Variants in KIAA1671 observed in about 807,000 individuals in gnomAD.
The protein encoded by KIAA1671 is uncharacterized protein KIAA1671.
KIAA1671 carries 52 observed loss-of-function variants against 131.2 expected under a neutral mutation model. The ratio of observed to expected loss-of-function variants is 0.40; its 90% CI spans 0.32 to 0.50. KIAA1671 has a LOEUF of 0.50. Among genes scored for constraint, KIAA1671 ranks in the 20% least tolerant of loss-of-function variants. The probability of loss-of-function intolerance (pLI) is 0.73; values close to 1 mark genes in which losing one functional copy is unlikely to be tolerated. For synonymous variants in KIAA1671, 1,003 were observed against 961.6 expected, an observed-to-expected ratio of 1.04 and a Z score of -0.80; for missense variants, 2,360 against 2,364.2, an observed-to-expected ratio of 1.00 and a Z score of 0.04.
intron 6 of KIAA1671, among the ~76,000 whole-genome samples, chr22:25,136,944 A>ATGTGAAAT (rs1223854999): frequency 6.6e-6 from 1 of 152,204 alleles, no homozygotes; most frequent in Non-Finnish European, 1.5e-5. Context: ...GCATTAGGAA[A>ATGTGAAAT]TGTGAAATAG....
rs138608627 is a variant in KIAA1671, at chr22:25,103,734, C to T, written c.4530+54370C>T. On this transcript the variant is annotated intron_variant, in intron 6 of 12. Transcript: ENST00000358431. ...GTCTCAAATGCCTGACCTTGTGATC[C>T]GCCCATCGCGGTCTCCCAAAGTGCT... Among the ~76,000 whole-genome samples the T allele has an allele frequency of 6.3e-3, 963 of 152,134 alleles. 6 individuals carry two copies. The highest frequency in any genetic ancestry group is 0.01 in the Non-Finnish European group (681 of 67,986).
intron 6 of KIAA1671, among the ~76,000 whole-genome samples, chr22:25,093,763 TCTCTGTCTC>T: frequency 1.7e-5 from 2 of 114,790 alleles, no homozygotes; most frequent in African/African-American, 7.1e-5. Flanking sequence ...TCTCTCTCTC[TCTCTGTCTC>T]TCTCTCTCTC....
intron 1 of KIAA1671, among the ~76,000 whole-genome samples, chr22:25,021,724 C>G (rs1925678759): frequency 6.6e-6 from 1 of 152,138 alleles, no homozygotes; most frequent in African/African-American, 2.4e-5. Context: ...GACAGACCTC[C>G]TGTGCACAGC....
intron 6 of KIAA1671, among the ~76,000 whole-genome samples, chr22:25,166,725 A>G (rs1933657559): frequency 6.6e-6 from 1 of 152,216 alleles, no homozygotes; most frequent in African/African-American, 2.4e-5. Flanking sequence ...ACCTCAAAAC[A>G]GTCCTTGTTT....
At chr22:25,049,105 A>G (rs1927395237) in intron 5 of KIAA1671, 125 bp from the exon 6 acceptor site, 1 of 1,186,094 alleles carries the variant, frequency 8.4e-7, no homozygotes, top group Non-Finnish European at 1.2e-6. Flanking sequence ...AAAGTGGGGG[A>G]TTTCTGGGGG....
At chr22:24,954,503 C>T (rs1320811842) in intron 1 of KIAA1671, among the ~76,000 whole-genome samples, 1 of 152,206 alleles carries the variant, frequency 6.6e-6, no homozygotes, top group African/African-American at 2.4e-5. Flanking sequence ...TCTGGACATA[C>T]ATTTCAGCTG....
At position 25,029,067 on chromosome 22, in the gene KIAA1671, G is replaced by A; in HGVS notation, c.1068G>A (p.Glu356=). 1 of 1,502,768 alleles carries A rather than the reference G, an allele frequency of 6.7e-7. No homozygotes were observed. The highest frequency in any genetic ancestry group is 8.9e-7 in the Non-Finnish European group (1 of 1,124,174). The allele number at this position is 1,502,768 out of a possible 1,614,324, so 93.1% of individuals were successfully genotyped here. ...EVAKKIRERK[E]KMLSKPEMGS... is the part of the protein sequence containing the mutation. ...CCAAGAAAATCCGTGAACGGAAGGA[G>A]AAGATGCTTTCGAAGCCGGAGATGG... Residue 356 remains glutamate, a synonymous_variant, in exon 3 of 13, where the codon GAG becomes GAA. Transcript: ENST00000358431.
chr22:24,963,663 G>A (rs574554747), intron 1 of KIAA1671, among the ~76,000 whole-genome samples: 130 of 152,144 alleles, frequency 8.5e-4, no homozygotes, highest in African/African-American at 3.0e-3. Flanking sequence ...GAGATAGGCC[G>A]GGTGCGGTGG....
At chr22:25,069,594 C>T (rs1177746458) in intron 6 of KIAA1671, among the ~76,000 whole-genome samples, 1 of 152,158 alleles carries the variant, frequency 6.6e-6, no homozygotes, top group South Asian at 2.1e-4. Context: ...ACCAACTCAC[C>T]GCGTGACCTT....
chr22:25,142,390 C>A (rs934938350), intron 6 of KIAA1671, among the ~76,000 whole-genome samples: 2 of 152,208 alleles, frequency 1.3e-5, no homozygotes, highest in Admixed American at 6.5e-5. Context: ...AAATAAGATG[C>A]TGGAGGCCAC....
chr22:25,056,798 TG>T (rs1401818613), intron 6 of KIAA1671: 1 of 114,192 alleles, frequency 8.8e-6, no homozygotes, highest in African/African-American at 3.5e-5. Context: ...GGTGACAGAG[TG>T]AGACTCTGTC....
chr22:25,076,142 T>C (rs1601288476), intron 6 of KIAA1671, among the ~76,000 whole-genome samples: 1 of 152,278 alleles, frequency 6.6e-6, no homozygotes, highest in East Asian at 1.9e-4. Context: ...ATTTAAAAAG[T>C]TTGTAACCAT....
chr22:25,183,374 G>A (rs1934355823), intron 10 of KIAA1671, among the ~76,000 whole-genome samples: 1 of 151,812 alleles, frequency 6.6e-6, no homozygotes. Context: ...GGCCCTTACA[G>A]TGTGAACATC....
chr22:25,037,734 C>G (rs561305370), intron 4 of KIAA1671, among the ~76,000 whole-genome samples: 1 of 152,020 alleles, frequency 6.6e-6, no homozygotes, highest in South Asian at 2.1e-4. Context: ...TATATATATG[C>G]TGTATATAAA....
chr22:25,047,027 G>C (rs1056293406), intron 5 of KIAA1671, among the ~76,000 whole-genome samples: 42 of 149,214 alleles, frequency 2.8e-4, no homozygotes, highest in African/African-American at 1.0e-3. Flanking sequence ...CTGGAGTGTA[G>C]TAGTGAGATC....
intron 6 of KIAA1671, among the ~76,000 whole-genome samples, chr22:25,077,466 C>T (rs1008177829): frequency 2.6e-5 from 4 of 152,206 alleles, no homozygotes; most frequent in Admixed American, 2.6e-4. Flanking sequence ...CCATGCTCTT[C>T]CCAGCTGCCT....
chr22:25,067,220 C>A (rs559763631), intron 6 of KIAA1671, among the ~76,000 whole-genome samples: 59 of 152,098 alleles, frequency 3.9e-4, no homozygotes, highest in Middle Eastern at 3.2e-3. Context: ...CCACACCCCC[C>A]ACCTGGTCCT....
In KIAA1671 at chr22:25,038,781, G is replaced by C; in HGVS notation, c.1651G>C (p.Asp551His). 6.5e-7 allele frequency: 1 copy of C among 1,541,816 alleles called. No homozygotes were observed. Among genetic ancestry groups the C allele is most frequent in the Non-Finnish European group, 8.8e-7 (1 of 1,138,556 alleles). Reference protein sequence around the residue: ...REKQKEGHSLDGACIPRSPWK... With the variant: ...REKQKEGHSLHGACIPRSPWK... ...CCAGCAAAAGGAGGGGCACAGTTTG[G>C]ATGGAGCATGCATCCCGAGAAGCCC... The change falls in exon 5 of 13, where the codon GAT (aspartate) becomes CAT (histidine). Residue 551 changes from aspartate (D) to histidine (H), a missense_variant. Coordinates refer to ENST00000358431, the MANE Select transcript of KIAA1671 (RefSeq NM_001145206.2).
chr22:25,076,075 C>T (rs113958135), intron 6 of KIAA1671, among the ~76,000 whole-genome samples: 4 of 152,322 alleles, frequency 2.6e-5, no homozygotes, highest in African/African-American at 9.6e-5. Context: ...TGCACCCAGC[C>T]TGTCAGTCCT....
Sources: allele counts gnomAD v4.1 joint callset (sites outside exome capture counted in the v4.1 genomes callset), GRCh38; gene constraint gnomAD v4.1.1; transcripts MANE v1.5; gene names NCBI Gene and HGNC (gene_info 2026-07-23, HGNC 2026-07-21).